Variants in L3MBTL4 observed in about 807,000 individuals in gnomAD.
L3MBTL4 encodes the protein L3MBTL histone methyl-lysine binding protein 4, also known as lethal(3)malignant brain tumor-like protein 4.
A neutral mutation model predicts 84.5 loss-of-function variants in L3MBTL4; 70 were observed. That is an observed-to-expected ratio of 0.83 (90% CI 0.68 to 1.01). L3MBTL4 has a LOEUF of 1.01. Among genes scored for constraint, L3MBTL4 ranks in the 50% least tolerant of loss-of-function variants. The pLI is 0.00. For synonymous variants in L3MBTL4, 274 were observed against 259.8 expected, an observed-to-expected ratio of 1.05 and a Z score of -0.52; for missense variants, 715 against 754.8, an observed-to-expected ratio of 0.95 and a Z score of 0.62.
At chr18:6,106,184 G>A (rs1290317730) in intron 14 of L3MBTL4, among the ~76,000 whole-genome samples, 4 of 152,186 alleles carry the variant, frequency 2.6e-5, no homozygotes, top group Non-Finnish European at 2.9e-5. Context: ...TGATGCCAGG[G>A]TCTAGTCTTT....
intron 13 of L3MBTL4, among the ~76,000 whole-genome samples, chr18:6,155,191 T>A (rs538666710): frequency 6.6e-6 from 1 of 152,330 alleles, no homozygotes; most frequent in Admixed American, 6.5e-5. Context: ...TCAGCAGCTG[T>A]ATCCTCCTCT....
chr18:6,235,779 T>G (rs1451507978), intron 10 of L3MBTL4, among the ~76,000 whole-genome samples: 1 of 152,218 alleles, frequency 6.6e-6, no homozygotes. Flanking sequence ...CATAACATTG[T>G]GAATACATTA....
chr18:6,227,486 C>T (rs1445334751), intron 10 of L3MBTL4, among the ~76,000 whole-genome samples: 2 of 152,112 alleles, frequency 1.3e-5, no homozygotes, highest in African/African-American at 4.8e-5. Flanking sequence ...CTAAAACCTT[C>T]CCAGAAACAA....
intron 13 of L3MBTL4, among the ~76,000 whole-genome samples, chr18:6,166,535 T>G (rs1467644343): frequency 6.6e-6 from 1 of 152,062 alleles, no homozygotes; most frequent in Non-Finnish European, 1.5e-5. Context: ...CACTCAAAAC[T>G]GCTCAACTAC....
At chr18:6,153,985 A>C (rs1050676349) in intron 13 of L3MBTL4, among the ~76,000 whole-genome samples, 1 of 152,194 alleles carries the variant, frequency 6.6e-6, no homozygotes, top group Non-Finnish European at 1.5e-5. Context: ...ATATGCACAA[A>C]AGATTACAGT....
At chr18:6,130,530 T>G (rs943577812) in intron 14 of L3MBTL4, among the ~76,000 whole-genome samples, 1 of 152,192 alleles carries the variant, frequency 6.6e-6, no homozygotes, top group Non-Finnish European at 1.5e-5. Flanking sequence ...GTGCCCTGTG[T>G]CCCACACAGG....
chr18:6,357,182 TC>T, intron 1 of L3MBTL4, among the ~76,000 whole-genome samples: 2 of 152,256 alleles, frequency 1.3e-5, no homozygotes, highest in South Asian at 4.2e-4. Context: ...CTTAAGTCTA[TC>T]CCCCAAAATT....
At chr18:6,174,894 A>T (rs1056071629) in intron 12 of L3MBTL4, among the ~76,000 whole-genome samples, 6 of 151,640 alleles carry the variant, frequency 4.0e-5, no homozygotes, top group Non-Finnish European at 8.8e-5. Context: ...ATGATACAAG[A>T]TTTAAATAAT....
At position 6,319,315 on chromosome 18, in the gene L3MBTL4, C is replaced by T. The variant is rs187418117; in HGVS notation, c.-90-7259G>A. Among the ~76,000 whole-genome samples, 23 of 151,834 alleles carry T rather than the reference C, an allele frequency of 1.5e-4. No homozygotes were observed. The East Asian group carries it at 1.9e-3, about 13-fold the overall frequency. On this transcript the variant is annotated intron_variant, in intron 1 of 18. Coordinates refer to ENST00000317931, the MANE Select transcript of L3MBTL4 (RefSeq NM_001330559.2). ...GAAACAACAACAACAACAAAAAAGT[C>T]GATGAAACCAAAGGCTGCTTCTTTG...
chr18:6,230,728 T>C (rs2046965000), intron 10 of L3MBTL4, among the ~76,000 whole-genome samples: 1 of 152,236 alleles, frequency 6.6e-6, no homozygotes, highest in Non-Finnish European at 1.5e-5. Context: ...AGTGTTCACT[T>C]TTCTCTGCAA....
At chr18:5,962,810 G>C (rs1409648999) in intron 17 of L3MBTL4, among the ~76,000 whole-genome samples, 1 of 152,176 alleles carries the variant, frequency 6.6e-6, no homozygotes, top group Non-Finnish European at 1.5e-5. Context: ...GGAAAATGCT[G>C]TAAAGCCAAG....
At chr18:6,375,648 G>A (rs1206503433) in intron 1 of L3MBTL4, among the ~76,000 whole-genome samples, 1 of 152,120 alleles carries the variant, frequency 6.6e-6, no homozygotes, top group Non-Finnish European at 1.5e-5. Flanking sequence ...CTGGAATAAC[G>A]TCTGGGGCAC....
In L3MBTL4 at chr18:5,983,320, A is replaced by G. The variant is rs191162103; in HGVS notation, c.1445-13758T>C. Among the ~76,000 whole-genome samples the G allele has an allele frequency of 5.9e-5, 9 of 152,304 alleles. No individual in the cohort carries two copies. In the East Asian group the frequency reaches 1.5e-3, roughly 26 times the overall value. ...GCCACTGTGGAAGTGCTGTCACTAGAATACAGTTACATTTTAAGGAGCAAA... is the reference window on the plus strand; with the variant it reads ...GCCACTGTGGAAGTGCTGTCACTAGGATACAGTTACATTTTAAGGAGCAAA... On this transcript the variant is annotated intron_variant, in intron 16 of 18. Transcript: ENST00000317931.
At position 6,302,055 on chromosome 18, in the gene L3MBTL4, A is replaced by T. The variant is rs111246206; in HGVS notation, c.73-98T>A. On this transcript the variant is annotated intron_variant, in intron 3 of 18. Transcript: ENST00000317931. ...TTTTGCAGGAAGGAAAGTTATGAAGATCCTCGTCACTGAGGCGGACAACGC... is the reference window on the plus strand; with the variant it reads ...TTTTGCAGGAAGGAAAGTTATGAAGTTCCTCGTCACTGAGGCGGACAACGC... The T allele has an allele frequency of 3.2e-4, 331 of 1,025,736 alleles. No homozygotes were observed. In the African/African-American group the frequency reaches 4.4e-3, roughly 14 times the overall value. 63.5% of individuals were successfully genotyped at this position (1,025,736 alleles called of 1,614,324 possible).
intron 1 of L3MBTL4, among the ~76,000 whole-genome samples, chr18:6,344,655 T>C (rs998619198): frequency 3.9e-5 from 6 of 152,106 alleles, no homozygotes; most frequent in African/African-American, 1.4e-4. Context: ...ACTGGCAAAT[T>C]TAACAGCACA....
intron 1 of L3MBTL4, among the ~76,000 whole-genome samples, chr18:6,314,051 T>C (rs1228748061): frequency 9.9e-6 from 1 of 101,066 alleles, no homozygotes; most frequent in South Asian, 2.9e-4. Context: ...GATAGATAGA[T>C]AGATAGATAG....
chr18:6,186,592 A>G (rs916964420), intron 12 of L3MBTL4, among the ~76,000 whole-genome samples: 8 of 152,170 alleles, frequency 5.3e-5, no homozygotes, highest in Middle Eastern at 3.2e-3. Flanking sequence ...AGGGAGGAGA[A>G]CCGCAAGGCA....
At chr18:6,316,919 A>G (rs886539735) in intron 1 of L3MBTL4, among the ~76,000 whole-genome samples, 27 of 152,002 alleles carry the variant, frequency 1.8e-4, no homozygotes, top group African/African-American at 6.5e-4. Flanking sequence ...TTTAGCCACA[A>G]CCAGTTTCTA....
intron 11 of L3MBTL4, 88 bp downstream of exon 11, chr18:6,215,662 A>G: frequency 3.3e-6 from 2 of 612,372 alleles, no homozygotes; most frequent in East Asian, 3.0e-5. Flanking sequence ...GAAAGAAAAA[A>G]CTAGAATAAT....
Sources: allele counts gnomAD v4.1 joint callset (sites outside exome capture counted in the v4.1 genomes callset), GRCh38; gene constraint gnomAD v4.1.1; transcripts MANE v1.5; gene names NCBI Gene and HGNC (gene_info 2026-07-23, HGNC 2026-07-21).